PRKAR1B: variants seen among roughly 807,000 people sequenced by gnomAD.
PRKAR1B encodes the protein cAMP-dependent protein kinase type I-beta regulatory subunit.
PRKAR1B carries 22 observed loss-of-function variants against 46.5 expected under a neutral mutation model. The observed-to-expected ratio is 0.47, with a 90% CI of 0.34 to 0.68. The LOEUF (loss-of-function observed/expected upper bound fraction) is 0.68, where lower values mean the gene tolerates loss of function less well. Among genes scored for constraint, PRKAR1B ranks in the 30% least tolerant of loss-of-function variants. PRKAR1B has a pLI of 0.01. For missense variants in PRKAR1B, 445 were observed against 535.6 expected (o/e 0.83, Z 1.67); for synonymous variants, 259 against 217.7 (o/e 1.19, Z -1.67).
intron 2 of PRKAR1B, chr7:696,767 C>T (rs76496455): frequency 0.038 from 5,773 of 152,364 alleles, 242 homozygotes; most frequent in East Asian, 0.19. Context: ...CCAGGCTCGA[C>T]GGGACTTCCC....
intron 4 of PRKAR1B, among the ~76,000 whole-genome samples, chr7:664,853 G>A (rs1239196337): frequency 6.6e-6 from 1 of 152,150 alleles, no homozygotes; most frequent in Non-Finnish European, 1.5e-5. Flanking sequence ...AGTCGAGGCT[G>A]CAGTGAGCCA....
At chr7:670,604 A>G (rs1466141829) in intron 4 of PRKAR1B, among the ~76,000 whole-genome samples, 7 of 130,364 alleles carry the variant, frequency 5.4e-5, no homozygotes, top group South Asian at 2.7e-4. Flanking sequence ...CACAGCATCC[A>G]GCAGAGGGGC....
chr7:614,041 G>T (rs1782669499), intron 4 of PRKAR1B, among the ~76,000 whole-genome samples: 1 of 152,216 alleles, frequency 6.6e-6, no homozygotes, highest in Non-Finnish European at 1.5e-5. Context: ...CAGCATGGAG[G>T]GCGGGAGGCG....
At chr7:563,653 GTC>G (rs1174207189) in intron 9 of PRKAR1B, among the ~76,000 whole-genome samples, 1 of 152,094 alleles carries the variant, frequency 6.6e-6, no homozygotes, top group African/African-American at 2.4e-5. Context: ...CAGAACAGAA[GTC>G]TGTGTGAGCA....
chr7:641,101 C>A (rs1404598339), intron 4 of PRKAR1B, among the ~76,000 whole-genome samples: 1 of 152,056 alleles, frequency 6.6e-6, no homozygotes, highest in Non-Finnish European at 1.5e-5. Flanking sequence ...TACAGGTGCC[C>A]GCCACCACGC....
rs1285186442 is a variant in PRKAR1B, at chr7:599,785, G to GGGAGTGTGTAATGTGGACA, written c.550-3482_550-3481insTGTCCACATTACACACTCC. ...AGGAGCTGGGGGAGGCACATGGGCAGGCCCCCCATTCACCTTCACTCGCTC... is the reference window on the plus strand; with the variant it reads ...AGGAGCTGGGGGAGGCACATGGGCAGGGAGTGTGTAATGTGGACAGCCCCCCATTCACCTTCACTCGCTC... On this transcript the variant is annotated intron_variant, in intron 6 of 10. Transcript: ENST00000537384. Among the ~76,000 whole-genome samples the GGGAGTGTGTAATGTGGACA allele has an allele frequency of 1.0e-3, 150 of 148,908 alleles. 1 individual carries two copies. Among genetic ancestry groups the GGGAGTGTGTAATGTGGACA allele is most frequent in the Middle Eastern group, 3.4e-3 (1 of 292 alleles).
At chr7:727,643 G>C (rs1002970211), upstream of PRKAR1B, 1 of 149,716 alleles carries the variant, frequency 6.7e-6, no homozygotes, top group Admixed American at 7.1e-5. Context: ...TTCCTGCTTG[G>C]CCCTCACTCA....
chr7:674,470 C>T (rs908829212), intron 4 of PRKAR1B, among the ~76,000 whole-genome samples: 2 of 150,274 alleles, frequency 1.3e-5, no homozygotes, highest in African/African-American at 5.0e-5. Context: ...CTACTCCAAC[C>T]AAACCCAGCT....
intron 4 of PRKAR1B, among the ~76,000 whole-genome samples, chr7:639,731 T>C (rs1784290629): frequency 6.6e-6 from 1 of 152,012 alleles, no homozygotes; most frequent in South Asian, 2.1e-4. Context: ...GGTGCAAGCA[T>C]GTAGTCCCAG....
intron 2 of PRKAR1B, among the ~76,000 whole-genome samples, chr7:699,981 C>G (rs915409841): frequency 6.6e-6 from 1 of 151,904 alleles, no homozygotes; most frequent in Non-Finnish European, 1.5e-5. Context: ...GCGGCGTGGG[C>G]GGGGGAAGGG....
chr7:650,022 G>A (rs910653522), intron 4 of PRKAR1B, among the ~76,000 whole-genome samples: 14 of 147,400 alleles, frequency 9.5e-5, no homozygotes, highest in East Asian at 2.0e-4. Flanking sequence ...CTTGCTATGC[G>A]GCCCAGGCTG....
chr7:678,026 T>C (rs1289033322), intron 3 of PRKAR1B, among the ~76,000 whole-genome samples: 1 of 152,332 alleles, frequency 6.6e-6, no homozygotes, highest in South Asian at 2.1e-4. Context: ...ATCCCAGCAC[T>C]TTGAGAGGCC....
rs999425160 is a variant in PRKAR1B at position 593,246 on chromosome 7, G to A, written c.708+2900C>T. ...AAACTGGAGTCAGCGTTCACATTTT[G>A]GGCGGTGGTCTACTTCCTGGAGACA... On this transcript the variant is annotated intron_variant, in intron 7 of 10. Transcript: ENST00000537384. The surrounding 1 kb of genome is among the most constrained non-coding windows in gnomAD (Gnocchi z 6.1). 1.8e-4 allele frequency among the ~76,000 whole-genome samples: 27 copies of A among 152,076 alleles called. 1 individual carries two copies. The highest frequency in any genetic ancestry group is 2.0e-4 in the Admixed American group (3 of 15,262).
chr7:715,851 G>GATC (rs1331309916), intron 1 of PRKAR1B, among the ~76,000 whole-genome samples: 2 of 151,880 alleles, frequency 1.3e-5, no homozygotes, highest in Non-Finnish European at 2.9e-5. Context: ...GAGTAGCTGG[G>GATC]ACTACAGGCG....
intron 4 of PRKAR1B, among the ~76,000 whole-genome samples, chr7:620,787 T>A (rs976977014): frequency 1.3e-5 from 2 of 152,328 alleles, no homozygotes; most frequent in South Asian, 2.1e-4. Flanking sequence ...TTATTTTTCT[T>A]TCTTTATAGC....
rs1784183457 is a variant in PRKAR1B at position 551,410 on chromosome 7, G to A, written c.952C>T (p.Leu318=). ...PNEEYVEVGR[L]GPSDYFGEIA... Reference sequence around the variant, plus strand: ...TCACCGAAGTAGTCAGAGGGTCCCAGGCGCCCCACCTCCACGTACTCCTCA... The same window carrying A: ...TCACCGAAGTAGTCAGAGGGTCCCAAGCGCCCCACCTCCACGTACTCCTCA... Residue 318 remains leucine (L), a synonymous_variant, in exon 10 of 11, where the codon CTG becomes TTG. Coordinates refer to ENST00000537384, the MANE Select transcript of PRKAR1B (RefSeq NM_001164760.2). The A allele has an allele frequency of 2.6e-6, 4 of 1,559,662 alleles. No homozygotes were observed. The South Asian group carries it at 4.7e-5, about 18-fold the overall frequency.
chr7:591,703 G>A (rs1267386742), intron 7 of PRKAR1B, among the ~76,000 whole-genome samples: 4 of 152,156 alleles, frequency 2.6e-5, no homozygotes, highest in African/African-American at 9.7e-5. Context: ...AAAAAAAAAG[G>A]AAAAGAAAAA....
intron 1 of PRKAR1B, chr7:712,304 CCCCGCGCGCCCCACT>C (rs1780687872): frequency 6.6e-6 from 1 of 150,376 alleles, no homozygotes; most frequent in Non-Finnish European, 1.5e-5. Flanking sequence ...CCCGGCCCCG[CCCCGCGCGCCCCACT>C]CCCGGCGGGG....
intron 2 of PRKAR1B, among the ~76,000 whole-genome samples, chr7:704,029 A>T (rs1780190209): frequency 1.3e-5 from 2 of 152,200 alleles, no homozygotes; most frequent in South Asian, 4.1e-4. Flanking sequence ...AGAAAATGAA[A>T]ATACAGCACA....
Sources: gnomAD v4.1 joint callset for allele counts (sites outside exome capture counted in the v4.1 genomes callset) on GRCh38, gnomAD v4.1.1 for gene constraint, Gnocchi (gnomAD v3.1) non-coding constraint, MANE v1.5 for transcripts, NCBI Gene and HGNC (gene_info 2026-07-23, HGNC 2026-07-21) for gene names.